ALG13: variants seen among roughly 807,000 people sequenced by gnomAD.
The protein encoded by ALG13 is ALG13 UDP-N-acetylglucosaminyltransferase subunit, also known as UDP-N-acetylglucosamine transferase subunit ALG13.
In ALG13, 11 loss-of-function variants were observed where a neutral mutation model predicts 87.8. That is an observed-to-expected ratio of 0.13 (90% CI 0.08 to 0.21). ALG13 has a LOEUF of 0.21. Among genes scored for constraint, ALG13 ranks in the 10% least tolerant of loss-of-function variants. The probability of loss-of-function intolerance (pLI) is 1.00; values close to 1 mark genes in which losing one functional copy is unlikely to be tolerated. For synonymous variants in ALG13, 320 were observed against 306.3 expected (o/e 1.04, Z -0.47); for missense variants, 756 against 866.1 (o/e 0.87, Z 1.60).
chrX:111,756,080 A>G (rs1228302669), intron 25 of ALG13, among the ~76,000 whole-genome samples: 1 of 112,464 alleles, frequency 8.9e-6, no homozygotes, highest in Admixed American at 9.4e-5. Context: ...AATACTATGC[A>G]GCCATAAAAA....
chrX:111,718,044 T>A, intron 9 of ALG13, 68 bp from the exon 10 acceptor site: 1 of 1,101,294 alleles, frequency 9.1e-7, no homozygotes, highest in South Asian at 2.0e-5. Context: ...CGCAGGATTA[T>A]GACTATTTTC....
intron 3 of ALG13, among the ~76,000 whole-genome samples, chrX:111,705,724 A>G (rs1321568246): frequency 9.0e-6 from 1 of 111,329 alleles, no homozygotes; most frequent in African/African-American, 3.3e-5. Context: ...TTTCTATTCA[A>G]CTGATTTTGC....
In ALG13 at chrX:111,744,772, C is replaced by T. The variant is rs766833930; in HGVS notation, c.2800C>T (p.Pro934Ser). Residue 934 changes from proline (P) to serine (S), a missense_variant, in exon 24 of 27, where the codon CCT (proline) becomes TCT (serine). Physicochemically the swap from Pro to Ser is moderately conservative, Grantham distance 74 (BLOSUM62 -1). Around this residue, in one of 9 missense-constraint regions of ALG13, gnomAD observed 362 missense variants for 383.5 expected, o/e 0.94. Coordinates refer to ENST00000394780, the MANE Select transcript of ALG13 (RefSeq NM_001099922.3). ...PPPPPPPPPP[P>S]PPPPPPPPPP... ...ACCACCACCACCACCACCACCACCT[C>T]CTCCTCCTCCTCCTCCTCCTCCTCC... 3.0e-5 allele frequency: 30 copies of T among 1,006,006 alleles called. 1 individual carries two copies. The highest frequency in any genetic ancestry group is 1.3e-6 in the Non-Finnish European group (1 of 771,172). 82.9% of individuals were successfully genotyped at this position (1,006,006 alleles called of 1,213,427 possible).
intron 3 of ALG13, among the ~76,000 whole-genome samples, chrX:111,699,209 TCTTG>T (rs1173177849): frequency 9.0e-6 from 1 of 111,670 alleles, no homozygotes; most frequent in Admixed American, 9.5e-5. Context: ...TGGGTTGTTT[TCTTG>T]CTTGTTGAGT....
At position 111,760,094 on chromosome X, in the gene ALG13, T is replaced by G; in HGVS notation, c.*95T>G. On this transcript the variant is annotated 3_prime_UTR_variant, in exon 27 of 27. Transcript: ENST00000394780. ...GTTAGTGGTTAAATGATTTAGGTGATTAGTGTTTACTATTGTATTTGTCTT... is the reference window on the plus strand; with the variant it reads ...GTTAGTGGTTAAATGATTTAGGTGAGTAGTGTTTACTATTGTATTTGTCTT... 1.1e-6 allele frequency: 1 copy of G among 898,860 alleles called. No individual in the cohort carries two copies. Among genetic ancestry groups the G allele is most frequent in the Non-Finnish European group, 1.5e-6 (1 of 658,231 alleles). The allele number at this position is 898,860 out of a possible 1,213,427, so 74.1% of individuals were successfully genotyped here.
chrX:111,731,787 T>C (rs181217958), intron 21 of ALG13, among the ~76,000 whole-genome samples: 1 of 112,337 alleles, frequency 8.9e-6, no homozygotes, highest in African/African-American at 3.2e-5. Context: ...TTCTTTGTGG[T>C]TTTATCCTTA....
intron 1 of ALG13, 176 bp downstream of exon 1, chrX:111,681,475 C>T (rs1933138249): frequency 9.4e-7 from 1 of 1,064,434 alleles, no homozygotes; most frequent in Non-Finnish European, 1.2e-6. Flanking sequence ...GGGCCCTTCT[C>T]CGGCTACCCG....
At chrX:111,730,357 T>C in intron 19 of ALG13, 38 bp from the exon 20 acceptor site, 5 of 1,192,480 alleles carry the variant, frequency 4.2e-6, no homozygotes, top group Non-Finnish European at 5.7e-6. Flanking sequence ...AAAAGACCTA[T>C]ATAAACACAT....
chrX:111,681,807 C>T (rs1933395236), intron 1 of ALG13: 32 of 848,164 alleles, frequency 3.8e-5, no homozygotes, highest in Admixed American at 6.6e-5. Flanking sequence ...TCAGGGCTCC[C>T]GGTTCTCGCA....
chrX:111,753,018 C>A, intron 25 of ALG13, 188 bp downstream of exon 25: 1 of 371,897 alleles, frequency 2.7e-6, no homozygotes. Context: ...TTTAGTTTCT[C>A]TTATAAAATA....
chrX:111,730,292 T>C (rs770312176), intron 19 of ALG13, 103 bp from the exon 20 acceptor site: 7 of 692,557 alleles, frequency 1.0e-5, no homozygotes, highest in Non-Finnish European at 1.6e-5. Context: ...TTTGAACATA[T>C]AACCATAAAA....
intron 1 of ALG13, 43 bp downstream of exon 1, chrX:111,681,342 CGCCATCTCCG>C: frequency 8.3e-7 from 1 of 1,208,139 alleles, no homozygotes; most frequent in South Asian, 1.8e-5. Flanking sequence ...GCTCGCCACC[CGCCATCTCCG>C]GCCATACTGC....
chrX:111,685,128 A>G, intron 3 of ALG13, 25 bp downstream of exon 3: 1 of 1,194,833 alleles, frequency 8.4e-7, no homozygotes, highest in South Asian at 1.9e-5. Flanking sequence ...GATTATTATT[A>G]TCTCTTGCCT....
rs748449833 is a variant in ALG13 at position 111,726,963 on chromosome X, C to T, written c.1884C>T (p.His628=). The T allele has an allele frequency of 8.3e-7, 1 of 1,211,572 alleles. No homozygotes were observed. Among genetic ancestry groups the T allele is most frequent in the Admixed American group, 2.2e-5 (1 of 46,066 alleles). ...ATTATGGGCACGATCCTCCAATGCA[C>T]TACTCACAGACAGCTGGCAATGTTA... ...SMHYGHDPPM[H]YSQTAGNVMS... is the part of the protein sequence containing the mutation. The change falls in exon 16 of 27, where the codon CAC becomes CAT. Residue 628 remains histidine (H), a synonymous_variant. Coordinates refer to ENST00000394780, the MANE Select transcript of ALG13 (RefSeq NM_001099922.3).
chrX:111,704,656 T>C, intron 3 of ALG13, among the ~76,000 whole-genome samples: 1 of 111,535 alleles, frequency 9.0e-6, no homozygotes, highest in Non-Finnish European at 1.9e-5. Flanking sequence ...AGGAAGTAGA[T>C]TAGTGGTTGT....
intron 3 of ALG13, chrX:111,686,258 ATGTG>A: frequency 2.1e-5 from 9 of 420,890 alleles, no homozygotes; most frequent in South Asian, 1.2e-4. Flanking sequence ...ATTACTATAT[ATGTG>A]TATATATATA....
intron 3 of ALG13, among the ~76,000 whole-genome samples, chrX:111,693,679 A>C (rs1180802579): frequency 8.9e-6 from 1 of 112,122 alleles, no homozygotes; most frequent in African/African-American, 3.2e-5. Flanking sequence ...TATTCTGGCC[A>C]AAATTACTTA....
rs1244829140 is a variant in ALG13, at chrX:111,713,179, T to C, written c.933-46T>C. On this transcript the variant is annotated intron_variant, in intron 7 of 26. Transcript: ENST00000394780. ...GTTGTTCCTATAACTATCTCTTACGTATGCCAAATTATGTCTTCCCACTTA... is the reference window on the plus strand; with the variant it reads ...GTTGTTCCTATAACTATCTCTTACGCATGCCAAATTATGTCTTCCCACTTA... 3 of 868,587 alleles carry C rather than the reference T, an allele frequency of 3.5e-6. No homozygotes were observed. In the African/African-American group the frequency reaches 5.9e-5, roughly 17 times the overall value. The allele number at this position is 868,587 out of a possible 1,213,427, so 71.6% of individuals were successfully genotyped here.
At chrX:111,749,986 C>T (rs1378532599) in intron 24 of ALG13, among the ~76,000 whole-genome samples, 2 of 111,591 alleles carry the variant, frequency 1.8e-5, no homozygotes, top group Non-Finnish European at 3.8e-5. Context: ...GCTCAGAACT[C>T]TTCAGTGATT....
Sources: allele counts gnomAD v4.1 joint callset (sites outside exome capture counted in the v4.1 genomes callset), GRCh38; gene constraint gnomAD v4.1.1; regional missense constraint gnomAD v4.1.1; transcripts MANE v1.5; gene names NCBI Gene and HGNC (gene_info 2026-07-23, HGNC 2026-07-21).